The following CRTAM variants were observed in gnomAD, a reference collection of about 807,000 sequenced individuals.
The protein encoded by CRTAM is cytotoxic and regulatory T-cell molecule.
Under a neutral mutation model 50.0 loss-of-function variants are expected in CRTAM, and 44 were observed. That is an observed-to-expected ratio of 0.88 (90% confidence interval 0.69 to 1.13). The LOEUF (loss-of-function observed/expected upper bound fraction) is 1.13, where lower values mean the gene tolerates loss of function less well. Ranked by LOEUF, CRTAM falls within the 50% of genes most tolerant of loss-of-function variation. The probability of loss-of-function intolerance (pLI) is 0.00; values close to 1 mark genes in which losing one functional copy is unlikely to be tolerated. For synonymous variants in CRTAM, 159 were observed against 169.3 expected (o/e 0.94, Z 0.47); for missense variants, 448 against 457.5 (o/e 0.98, Z 0.19).
At chr11:122,863,322 AAAGAAAG>A (rs1300628023) in intron 6 of CRTAM, among the ~76,000 whole-genome samples, 2 of 57,030 alleles carry the variant, frequency 3.5e-5, no homozygotes, top group African/African-American at 1.4e-4. Context: ...AAAGAAAGAA[AAAGAAAG>A]AAAGAAAGAA....
In CRTAM at chr11:122,853,926, A is replaced by C. The variant is rs34257988; in HGVS notation, c.347-17A>C. Reference sequence around the variant, plus strand: ...GACTCATATCTAATTAACACAGAAAAATCCATTTTGTTCTAGCAACTCCTT... The same window carrying C: ...GACTCATATCTAATTAACACAGAAACATCCATTTTGTTCTAGCAACTCCTT... On this transcript the variant is annotated splice_polypyrimidine_tract_variant and intron_variant, in intron 3 of 9. Transcript: ENST00000227348. 6.2e-7 allele frequency: 1 copy of C among 1,612,382 alleles called. No individual in the cohort carries two copies. Among genetic ancestry groups the C allele is most frequent in the Non-Finnish European group, 8.5e-7 (1 of 1,179,312 alleles).
chr11:122,862,444 T>C lies in CRTAM; in HGVS notation c.653-20T>C. ...AACTGCTCTCTATAGTAGCAGAATT[T>C]TGTTTTTCCCCTTTCCTAGTTACTG... On this transcript the variant is annotated intron_variant, in intron 5 of 9. Coordinates refer to ENST00000227348, the MANE Select transcript of CRTAM (RefSeq NM_019604.4). 1 of 1,541,200 alleles carries C rather than the reference T, an allele frequency of 6.5e-7. No homozygotes were observed. Among genetic ancestry groups the C allele is most frequent in the South Asian group, 1.1e-5 (1 of 89,672 alleles).
In CRTAM at chr11:122,838,518, A is replaced by G. The variant is rs775574648; in HGVS notation, c.-29A>G. 5.6e-6 allele frequency: 9 copies of G among 1,611,948 alleles called. No homozygotes were observed. In the East Asian group the frequency reaches 2.0e-4, roughly 36 times the overall value. ...TTGTCTCAGAATCTAGAGGAAGTTGACAAAGGTGCCACAGCAGCACAGCAC... is the reference window on the plus strand; with the variant it reads ...TTGTCTCAGAATCTAGAGGAAGTTGGCAAAGGTGCCACAGCAGCACAGCAC... On this transcript the variant is annotated 5_prime_UTR_variant, in exon 1 of 10. Transcript: ENST00000227348.
At chr11:122,862,122 A>G (rs1403929212) in intron 5 of CRTAM, among the ~76,000 whole-genome samples, 1 of 152,190 alleles carries the variant, frequency 6.6e-6, no homozygotes, top group Non-Finnish European at 1.5e-5. Context: ...AAAGCCATCT[A>G]ATAGGTAGAT....
intron 6 of CRTAM, among the ~76,000 whole-genome samples, chr11:122,862,795 A>T (rs898690384): frequency 7.2e-5 from 11 of 152,170 alleles, no homozygotes; most frequent in Non-Finnish European, 1.5e-4. Context: ...TGAGATAGAG[A>T]TGTACACATG....
At chr11:122,865,257 A>G (rs1051217548) in intron 7 of CRTAM, among the ~76,000 whole-genome samples, 5 of 150,840 alleles carry the variant, frequency 3.3e-5, no homozygotes, top group African/African-American at 1.2e-4. Flanking sequence ...CTGGTCTTGA[A>G]CTCCCGACCT....
At chr11:122,847,932 A>G (rs1861885757) in intron 1 of CRTAM, among the ~76,000 whole-genome samples, 1 of 152,222 alleles carries the variant, frequency 6.6e-6, no homozygotes, top group African/African-American at 2.4e-5. Flanking sequence ...GAAGTCTTTG[A>G]AAGTGAGATT....
chr11:122,862,332 C>G (rs1862096085), intron 5 of CRTAM, 132 bp from the exon 6 acceptor site: 2 of 646,444 alleles, frequency 3.1e-6, no homozygotes, highest in South Asian at 1.8e-5. Context: ...ACAGAACACA[C>G]AGTTCTGGGG....
chr11:122,848,456 T>C (rs1271030542), intron 1 of CRTAM, among the ~76,000 whole-genome samples: 2 of 152,226 alleles, frequency 1.3e-5, no homozygotes, highest in Admixed American at 1.3e-4. Flanking sequence ...CTCTTTTTAT[T>C]ACCTCCTTGT....
chr11:122,860,650 A>C (rs556087389), intron 5 of CRTAM, among the ~76,000 whole-genome samples: 2 of 152,340 alleles, frequency 1.3e-5, no homozygotes, highest in Admixed American at 1.3e-4. Context: ...CTATGTTAGA[A>C]GATTTAAATC....
rs374861787 is a variant in CRTAM at position 122,862,455 on chromosome 11, C to A, written c.653-9C>A. On this transcript the variant is annotated splice_polypyrimidine_tract_variant and intron_variant, in intron 5 of 9. Coordinates refer to ENST00000227348, the MANE Select transcript of CRTAM (RefSeq NM_019604.4). ...ATAGTAGCAGAATTTTGTTTTTCCC[C>A]TTTCCTAGTTACTGATGAAGAGACA... The A allele has an allele frequency of 8.1e-6, 13 of 1,601,756 alleles. No individual in the cohort carries two copies. The African/African-American group carries it at 1.7e-4, about 21-fold the overall frequency.
Position 122,851,731 on chromosome 11 carries a change from G to A in CRTAM, c.232G>A (p.Ala78Thr). ...NSKYQLLHHS[A>T]NQLSITVPNV... ...CAAATACCAGCTTCTTCATCACTCG[G>A]CCAATCAGCTCTCCATCACTGTGCC... The change falls in exon 3 of 10, where the codon GCC becomes ACC. Residue 78 changes from alanine to threonine, a missense_variant. Transcript: ENST00000227348. 6.2e-7 allele frequency: 1 copy of A among 1,614,044 alleles called. No homozygotes were observed. The highest frequency in any genetic ancestry group is 8.5e-7 in the Non-Finnish European group (1 of 1,179,972).
At chr11:122,855,659 A>G in intron 4 of CRTAM, 36 bp from the exon 5 acceptor site, 2 of 1,601,476 alleles carry the variant, frequency 1.2e-6, no homozygotes, top group Non-Finnish European at 1.7e-6. Flanking sequence ...ATCCAGTAGC[A>G]TTAAATAGCC....
At chr11:122,869,466 A>G (rs1044328864) in intron 9 of CRTAM, among the ~76,000 whole-genome samples, 1 of 152,232 alleles carries the variant, frequency 6.6e-6, no homozygotes, top group Non-Finnish European at 1.5e-5. Context: ...TCCTGAGACA[A>G]AATATGTAAA....
chr11:122,871,437 G>A lies in CRTAM; in HGVS notation c.*38G>A, dbSNP rs775206778. 20 of 1,584,716 alleles carry A rather than the reference G, an allele frequency of 1.3e-5. No homozygotes were observed. The highest frequency in any genetic ancestry group is 2.7e-5 in the African/African-American group (2 of 74,288). On this transcript the variant is annotated 3_prime_UTR_variant, in exon 10 of 10. Transcript: ENST00000227348. Reference sequence around the variant, plus strand: ...TGGAACATGTGATTTCAGGGTTGCCGCAGTGTCACCTCAGTGGACCAGCCT... The same window carrying A: ...TGGAACATGTGATTTCAGGGTTGCCACAGTGTCACCTCAGTGGACCAGCCT...
chr11:122,868,179 C>A, intron 9 of CRTAM, 80 bp downstream of exon 9: 4 of 759,542 alleles, frequency 5.3e-6, no homozygotes, highest in Non-Finnish European at 8.9e-6. Flanking sequence ...GAGACAGAGA[C>A]AACAGAATAT....
chr11:122,870,041 A>C (rs567164804), intron 9 of CRTAM, among the ~76,000 whole-genome samples: 48 of 152,264 alleles, frequency 3.2e-4, no homozygotes, highest in African/African-American at 1.2e-3. Context: ...TGTTAGCTGG[A>C]AAAATGGAAG....
intron 9 of CRTAM, among the ~76,000 whole-genome samples, chr11:122,868,536 C>T (rs1031393045): frequency 6.6e-6 from 1 of 152,024 alleles, no homozygotes; most frequent in African/African-American, 2.4e-5. Context: ...TGGATGGTGC[C>T]CATCCACATC....
At chr11:122,847,405 T>C (rs1861879055) in intron 1 of CRTAM, among the ~76,000 whole-genome samples, 1 of 152,224 alleles carries the variant, frequency 6.6e-6, no homozygotes, top group South Asian at 2.1e-4. Flanking sequence ...CTCAGAAAGC[T>C]TGAACCCTCA....
Sources: allele counts gnomAD v4.1 joint callset (sites outside exome capture counted in the v4.1 genomes callset), GRCh38; gene constraint gnomAD v4.1.1; transcripts MANE v1.5; gene names NCBI Gene and HGNC (gene_info 2026-07-23, HGNC 2026-07-21).